Variants in HMCN2 observed in about 807,000 individuals in gnomAD.
The protein encoded by HMCN2 is hemicentin 2.
In HMCN2, 325 loss-of-function variants were observed where a neutral mutation model predicts 377.5. The ratio of observed to expected loss-of-function variants is 0.86; its 90% CI spans 0.79 to 0.94. The LOEUF is 0.94. HMCN2 is among the 40% of genes least tolerant of loss of function. The probability of loss-of-function intolerance (pLI) is 0.00; values close to 1 mark genes in which losing one functional copy is unlikely to be tolerated. For missense variants in HMCN2, 4,543 were observed against 4,725.3 expected, an observed-to-expected ratio of 0.96 and a Z score of 1.13; for synonymous variants, 2,007 against 2,046.8, an observed-to-expected ratio of 0.98 and a Z score of 0.53.
Position 130,361,632 on chromosome 9 carries a change from G to A in HMCN2, c.5951-376G>A, listed in dbSNP as rs1840392279. 6.6e-6 allele frequency among the ~76,000 whole-genome samples: 1 copy of A among 152,194 alleles called. No homozygotes were observed. Among genetic ancestry groups the A allele is most frequent in the Non-Finnish European group, 1.5e-5 (1 of 68,042 alleles). ...CCAAAAGGGGACTGCCTGTAATATG[G>A]TATTTCATCTCACACCCCTGAGTTA... On this transcript the variant is annotated intron_variant, in intron 38 of 97. Transcript: ENST00000683500. This position sits in a 1 kb window ranked among gnomAD's most constrained non-coding sequence, Gnocchi z 4.8.
chr9:130,364,910 C>T (rs948849623), intron 41 of HMCN2, 21 bp downstream of exon 41: 1 of 985,460 alleles, frequency 1.0e-6, no homozygotes, highest in African/African-American at 1.7e-5. Context: ...CCCTGGCCAG[C>T]CAAGCAGGCC....
chr9:130,407,216 C>T (rs1161152347), intron 82 of HMCN2: 1 of 174,812 alleles, frequency 5.7e-6, no homozygotes, highest in Non-Finnish European at 1.2e-5. Context: ...CGTCATTGCA[C>T]TCCAGCCTGG....
At position 130,422,686 on chromosome 9, in the gene HMCN2, C is replaced by A; in HGVS notation, c.13341C>A (p.Ser4447Arg). 7.7e-7 allele frequency: 1 copy of A among 1,294,664 alleles called. No individual in the cohort carries two copies. Among genetic ancestry groups the A allele is most frequent in the Non-Finnish European group, 9.9e-7 (1 of 1,012,856 alleles). 80.2% of individuals were successfully genotyped at this position (1,294,664 alleles called of 1,614,324 possible). A position where few individuals can be genotyped will look rare whatever the true frequency, so the allele number is the denominator to read the frequency against. ...SVMQEAHSGVSSIHSSIRHVP... is the reference protein window; with the variant it reads ...SVMQEAHSGVRSIHSSIRHVP... ...TGCAGGAGGCACACTCCGGGGTCAG[C>A]AGCATCCACAGCAGCATCCGCCATG... is the stretch of plus-strand genomic sequence containing the variant. Residue 4447 changes from serine to arginine, a missense_variant, in exon 87 of 98, where the codon AGC becomes AGA. Around this residue, in one of 5 missense-constraint regions of HMCN2, gnomAD observed 1,155 missense variants for 1,157.7 expected, o/e 1.00. Coordinates refer to ENST00000683500, the MANE Select transcript of HMCN2 (RefSeq NM_001291815.2). This position sits in a 1 kb window ranked among gnomAD's most constrained non-coding sequence, Gnocchi z 4.2.
In HMCN2 at chr9:130,360,886, CATCCATCCATCT is replaced by C. The variant is rs1840353384; in HGVS notation, c.5950+283_5950+294del. On this transcript the variant is annotated intron_variant, in intron 38 of 97. Coordinates refer to ENST00000683500, the MANE Select transcript of HMCN2 (RefSeq NM_001291815.2). The surrounding 1 kb of genome is among the most constrained non-coding windows in gnomAD (Gnocchi z 4.7). Reference sequence around the variant, plus strand: ...CCATCAACTCATCTATCCATCCATCCATCCATCCATCTCTCATCCATCCATTTATCCACCCAA... The same window carrying C: ...CCATCAACTCATCTATCCATCCATCCCTCATCCATCCATTTATCCACCCAA... Among the ~76,000 whole-genome samples the C allele has an allele frequency of 6.6e-6, 1 of 151,730 alleles. No homozygotes were observed. Among genetic ancestry groups the C allele is most frequent in the Admixed American group, 6.6e-5 (1 of 15,224 alleles).
At position 130,308,937 on chromosome 9, in the gene HMCN2, G is replaced by C. The variant is rs2131359964; in HGVS notation, c.2201-975G>C. On this transcript the variant is annotated intron_variant, in intron 14 of 97. Transcript: ENST00000683500. This position sits in a 1 kb window ranked among gnomAD's most constrained non-coding sequence, Gnocchi z 4.1. ...GATGGAGTGGTGTTCGCCAGGGACT[G>C]GGGAGAGGAGAACACCAGGAGTTAG... 6.6e-6 allele frequency among the ~76,000 whole-genome samples: 1 copy of C among 152,340 alleles called. No individual in the cohort carries two copies. Among genetic ancestry groups the C allele is most frequent in the East Asian group, 1.9e-4 (1 of 5,172 alleles).
chr9:130,269,266 C>CTTTTTTT (rs56326154), intron 1 of HMCN2, among the ~76,000 whole-genome samples: 3 of 116,558 alleles, frequency 2.6e-5, no homozygotes, highest in Non-Finnish European at 5.6e-5. Context: ...GCCCTGGTTC[C>CTTTTTTT]TTTTTTTTTT....
Position 130,349,045 on chromosome 9 carries a change from T to C in HMCN2, c.4217T>C (p.Ile1406Thr). Residue 1406 changes from isoleucine to threonine, a missense_variant, in exon 28 of 98, where the codon ATC becomes ACC. Ile to Thr is a moderately conservative substitution (Grantham distance 89). Transcript: ENST00000683500. ...DEGQSLHFPR[I>T]QEGDSGLYSC... ...GGCCAGTCCCTCCACTTCCCCAGGA[T>C]CCAGGAGGGTGATTCTGGGCTCTAC... is the stretch of plus-strand genomic sequence containing the variant. The C allele has an allele frequency of 7.7e-7, 1 of 1,304,188 alleles. No individual in the cohort carries two copies. The highest frequency in any genetic ancestry group is 1.0e-6 in the Non-Finnish European group (1 of 988,916). 80.8% of individuals were successfully genotyped at this position (1,304,188 alleles called of 1,614,324 possible).
At chr9:130,390,941 G>A in intron 62 of HMCN2, 36 bp from the exon 63 acceptor site, 1 of 986,014 alleles carries the variant, frequency 1.0e-6, no homozygotes, top group Non-Finnish European at 1.2e-6. Context: ...GCACAAGAAG[G>A]GGCTGGGGGA....
chr9:130,284,820 G>A, intron 2 of HMCN2, 147 bp downstream of exon 2: 1 of 410,298 alleles, frequency 2.4e-6, no homozygotes, highest in Non-Finnish European at 5.0e-6. Context: ...TAGGCCATCT[G>A]TTAGCTGCTC....
chr9:130,396,542 G>C (rs550356175), intron 73 of HMCN2, among the ~76,000 whole-genome samples: 29 of 152,288 alleles, frequency 1.9e-4, no homozygotes, highest in Admixed American at 4.6e-4. Context: ...TGGATCTCAT[G>C]AGATCTGATG....
intron 97 of HMCN2, chr9:130,432,981 G>A (rs957570847): frequency 1.1e-5 from 4 of 367,046 alleles, no homozygotes; most frequent in Middle Eastern, 7.2e-4. Flanking sequence ...AGATGCCCGC[G>A]GCAAGGCTAA....
chr9:130,293,448 G>A (rs1814363937), intron 4 of HMCN2, among the ~76,000 whole-genome samples: 1 of 151,824 alleles, frequency 6.6e-6, no homozygotes, highest in South Asian at 2.1e-4. Context: ...GCACAGGATG[G>A]ACGCTCTTTG....
intron 1 of HMCN2, among the ~76,000 whole-genome samples, chr9:130,280,902 G>C (rs1456946445): frequency 2.0e-5 from 3 of 151,870 alleles, no homozygotes; most frequent in African/African-American, 7.3e-5. Context: ...TCAGGAGATC[G>C]AGACCATCCT....
At position 130,423,299 on chromosome 9, in the gene HMCN2, G is replaced by A. The variant is rs1376405546; in HGVS notation, c.13381+573G>A. On this transcript the variant is annotated intron_variant, in intron 87 of 97. Coordinates refer to ENST00000683500, the MANE Select transcript of HMCN2 (RefSeq NM_001291815.2). This position sits in a 1 kb window ranked among gnomAD's most constrained non-coding sequence, Gnocchi z 5.5. ...ACGTCACTGTCTCTCCCTTCCCAAG[G>A]AATCCCTGGCCCCTCGTGGGGGTCC... is the stretch of plus-strand genomic sequence containing the variant. 6.6e-6 allele frequency among the ~76,000 whole-genome samples: 1 copy of A among 152,152 alleles called. No individual in the cohort carries two copies. Among genetic ancestry groups the A allele is most frequent in the Non-Finnish European group, 1.5e-5 (1 of 68,026 alleles).
At chr9:130,309,537 A>AAAAT (rs1837101114) in intron 14 of HMCN2, among the ~76,000 whole-genome samples, 2 of 141,240 alleles carry the variant, frequency 1.4e-5, no homozygotes, top group Admixed American at 7.1e-5. Context: ...AAAAAAAAAA[A>AAAAT]GGAAAAAAAA....
rs73551735 is a variant in HMCN2, at chr9:130,390,330, G to A, written c.9524-647G>A. 3.8e-3 allele frequency among the ~76,000 whole-genome samples: 578 copies of A among 152,164 alleles called. 6 individuals carry two copies. The highest frequency in any genetic ancestry group is 0.013 in the African/African-American group (555 of 41,512). ...CAGCACTGGGTCCCCTTGTTTCATG[G>A]CCCCCACCCCCGATACATTGTGAAC... On this transcript the variant is annotated intron_variant, in intron 62 of 97. Coordinates refer to ENST00000683500, the MANE Select transcript of HMCN2 (RefSeq NM_001291815.2).
intron 1 of HMCN2, among the ~76,000 whole-genome samples, chr9:130,277,476 C>T (rs2131241322): frequency 6.6e-6 from 1 of 152,316 alleles, no homozygotes; most frequent in East Asian, 1.9e-4. Context: ...CTAGACTGGA[C>T]TCTCATTTCT....
rs912792514 is a variant in HMCN2 at position 130,386,600 on chromosome 9, A to G, written c.9391+76A>G. 3.1e-5 allele frequency: 31 copies of G among 991,022 alleles called. No individual in the cohort carries two copies. In the East Asian group the frequency reaches 1.9e-3, roughly 62 times the overall value. 61.4% of individuals were successfully genotyped at this position (991,022 alleles called of 1,614,324 possible). On this transcript the variant is annotated intron_variant, in intron 61 of 97. Coordinates refer to ENST00000683500, the MANE Select transcript of HMCN2 (RefSeq NM_001291815.2). ...CCCAGGGCTGCCAAGGAGGACAAAG[A>G]CAATAGCTGGGCAGAGGCAGTGCTG...
intron 22 of HMCN2, among the ~76,000 whole-genome samples, chr9:130,333,586 G>A (rs1376232651): frequency 1.3e-5 from 2 of 152,206 alleles, no homozygotes; most frequent in African/African-American, 2.4e-5. Context: ...TGCACGTCGC[G>A]ATGAAGTCTG....
Sources: allele counts gnomAD v4.1 joint callset (sites outside exome capture counted in the v4.1 genomes callset), GRCh38; gene constraint gnomAD v4.1.1; regional missense constraint gnomAD v4.1.1; non-coding constraint Gnocchi (gnomAD v3.1); transcripts MANE v1.5; gene names NCBI Gene and HGNC (gene_info 2026-07-23, HGNC 2026-07-21).